DNAH8: variants seen among roughly 807,000 people sequenced by gnomAD.
DNAH8 encodes axonemal beta dynein heavy chain 8.
Under a neutral mutation model 562.1 loss-of-function variants are expected in DNAH8, and 382 were observed. The ratio of observed to expected loss-of-function variants is 0.68; its 90% CI spans 0.63 to 0.74. The LOEUF is 0.74. DNAH8 is among the 30% of genes least tolerant of loss of function. The pLI is 0.00. For missense variants in DNAH8, 5,203 were observed against 5,620.4 expected (o/e 0.93, Z 2.37); for synonymous variants, 1,881 against 1,919.4 (o/e 0.98, Z 0.52).
chr6:38,850,169 T>C, intron 37 of DNAH8, 82 bp from the exon 38 acceptor site: 1 of 1,337,310 alleles, frequency 7.5e-7, no homozygotes, highest in Non-Finnish European at 1.0e-6. Context: ...TTTGAAGAAC[T>C]ATAGAAAATT....
intron 73 of DNAH8, among the ~76,000 whole-genome samples, chr6:38,924,513 A>G (rs1363545951): frequency 6.6e-6 from 1 of 152,080 alleles, no homozygotes; most frequent in Non-Finnish European, 1.5e-5. Context: ...CCCCCCCCAA[A>G]AAAAAGAAAC....
chr6:38,824,877 T>C (rs1773173786), intron 28 of DNAH8, among the ~76,000 whole-genome samples: 1 of 152,096 alleles, frequency 6.6e-6, no homozygotes, highest in African/African-American at 2.4e-5. Flanking sequence ...TTACAAGTAC[T>C]TAAGGGGGAC....
intron 35 of DNAH8, among the ~76,000 whole-genome samples, chr6:38,844,377 A>G (rs561193438): frequency 6.6e-6 from 1 of 152,250 alleles, no homozygotes; most frequent in South Asian, 2.1e-4. Flanking sequence ...TTTGGAGTTG[A>G]GAAAATGCAC....
intron 1 of DNAH8, among the ~76,000 whole-genome samples, chr6:38,715,640 A>G (rs1057122399): frequency 6.6e-6 from 1 of 151,800 alleles, no homozygotes; most frequent in Non-Finnish European, 1.5e-5. Flanking sequence ...GTGACTTCAC[A>G]CCCACTCCCC....
intron 1 of DNAH8, among the ~76,000 whole-genome samples, chr6:38,721,719 C>A (rs1762771196): frequency 6.6e-6 from 1 of 152,100 alleles, no homozygotes; most frequent in Admixed American, 6.6e-5. Flanking sequence ...ACAATTATAG[C>A]TGTTTATGAG....
chr6:38,897,665 C>T (rs890641415), intron 60 of DNAH8, among the ~76,000 whole-genome samples: 3 of 151,926 alleles, frequency 2.0e-5, no homozygotes, highest in Non-Finnish European at 4.4e-5. Flanking sequence ...CTGTAATACC[C>T]GCGACTTGGG....
At chr6:38,774,442 G>A (rs1462459799) in intron 12 of DNAH8, among the ~76,000 whole-genome samples, 1 of 152,170 alleles carries the variant, frequency 6.6e-6, no homozygotes, top group Non-Finnish European at 1.5e-5. Flanking sequence ...GAAAAAGCCA[G>A]GGCCAGGACA....
At chr6:38,944,885 T>A (rs1168623897) in intron 79 of DNAH8, among the ~76,000 whole-genome samples, 2 of 152,146 alleles carry the variant, frequency 1.3e-5, no homozygotes, top group Non-Finnish European at 2.9e-5. Context: ...CATTTCCTCC[T>A]TCACTTCCTT....
chr6:38,846,890 A>C (rs1775342298), intron 36 of DNAH8, among the ~76,000 whole-genome samples: 1 of 152,206 alleles, frequency 6.6e-6, no homozygotes, highest in Non-Finnish European at 1.5e-5. Flanking sequence ...TAGTAAACTC[A>C]ATGTTTACAA....
intron 20 of DNAH8, 50 bp from the exon 21 acceptor site, chr6:38,791,505 G>C (rs1769737789): frequency 6.4e-7 from 1 of 1,561,368 alleles, no homozygotes; most frequent in East Asian, 2.4e-5. Flanking sequence ...TGAAAACCTA[G>C]CTCTAAAGGA....
chr6:38,748,771 A>AATAATAATG (rs1765174255), intron 8 of DNAH8, among the ~76,000 whole-genome samples: 3 of 147,472 alleles, frequency 2.0e-5, no homozygotes, highest in African/African-American at 7.4e-5. Context: ...TAATAATAAT[A>AATAATAATG]ATAATAATAA....
At chr6:38,738,431 C>G (rs1019109501) in intron 7 of DNAH8, among the ~76,000 whole-genome samples, 6 of 152,064 alleles carry the variant, frequency 3.9e-5, no homozygotes, top group Non-Finnish European at 7.4e-5. Context: ...GCCTGCAGCT[C>G]TATGGTCAAA....
At chr6:38,792,821 C>T (rs1769881828) in intron 21 of DNAH8, among the ~76,000 whole-genome samples, 1 of 152,152 alleles carries the variant, frequency 6.6e-6, no homozygotes, top group African/African-American at 2.4e-5. Flanking sequence ...CTCTGTCACT[C>T]AGGTTGTTCT....
At chr6:39,013,178 T>C (rs1766343984) in intron 91 of DNAH8, among the ~76,000 whole-genome samples, 1 of 152,238 alleles carries the variant, frequency 6.6e-6, no homozygotes, top group South Asian at 2.1e-4. Context: ...AAATGTTTAC[T>C]GAGAAAGTTA....
chr6:38,948,377 G>A (rs1395255458), intron 80 of DNAH8, among the ~76,000 whole-genome samples: 9 of 151,268 alleles, frequency 5.9e-5, no homozygotes, highest in Admixed American at 5.9e-4. Flanking sequence ...CGCTCTTGTT[G>A]CCCAGAGCTG....
In DNAH8 at chr6:38,722,770, T is replaced by G; in HGVS notation, c.-34-6T>G. 1 of 1,519,656 alleles carries G rather than the reference T, an allele frequency of 6.6e-7. No homozygotes were observed. Among genetic ancestry groups the G allele is most frequent in the Non-Finnish European group, 8.8e-7 (1 of 1,135,382 alleles). 94.1% of individuals were successfully genotyped at this position (1,519,656 alleles called of 1,614,324 possible). A position where few individuals can be genotyped will look rare whatever the true frequency, so the allele number is the denominator to read the frequency against. On this transcript the variant is annotated splice_polypyrimidine_tract_variant and splice_region_variant and intron_variant, in intron 1 of 92. Transcript: ENST00000327475. ...AGTTTTAAACGAACCTATGTTATAATTCTAGGTTTCGAAGTATAAAGCATT... is the reference window on the plus strand; with the variant it reads ...AGTTTTAAACGAACCTATGTTATAAGTCTAGGTTTCGAAGTATAAAGCATT...
chr6:38,936,095 T>G (rs1782940059), intron 77 of DNAH8, among the ~76,000 whole-genome samples: 1 of 151,526 alleles, frequency 6.6e-6, no homozygotes. Flanking sequence ...ATGCTTCTAA[T>G]CCCAGCACTT....
In DNAH8 at chr6:38,951,333, C is replaced by T. The variant is rs61748647; in HGVS notation, c.12264C>T (p.Asp4088=). ...TCATTTTTAGGTCTTGGTGCCCAGA[C>T]CGTACTGTTTTTCAAGCAAGAAAGT... ...KLLLIRSWCP[D]RTVFQARKYI... is the part of the protein sequence containing the mutation. The change falls in exon 82 of 93, where the codon GAC becomes GAT. Residue 4088 remains aspartate, a synonymous_variant. Coordinates refer to ENST00000327475, the MANE Select transcript of DNAH8 (RefSeq NM_001206927.2). 13,705 of 1,614,020 alleles carry T rather than the reference C, an allele frequency of 8.5e-3. 74 individuals are homozygous for T. The highest frequency in any genetic ancestry group is 0.011 in the Non-Finnish European group (12,481 of 1,179,952).
rs371388180 is a variant in DNAH8, at chr6:38,848,801, G to C, written c.5199G>C (p.Gln1733His). 6.2e-7 allele frequency: 1 copy of C among 1,612,730 alleles called. No individual in the cohort carries two copies. The highest frequency in any genetic ancestry group is 1.1e-5 in the South Asian group (1 of 90,954). Residue 1733 changes from glutamine to histidine, a missense_variant and splice_region_variant, in exon 37 of 93, where the codon CAG (glutamine) becomes CAC (histidine). This residue lies in a region of DNAH8 where 2,176 missense variants were observed against 2,365.1 expected (regional missense o/e 0.92). Coordinates refer to ENST00000327475, the MANE Select transcript of DNAH8 (RefSeq NM_001206927.2). ...GAGATATTGCCAAACAGCTGCCTCA[G>C]GTAAATATGGCTTTTGTAATTACTG... ...VGGDIAKQLP[Q>H]EAKRFQNIDK...
Sources: allele counts gnomAD v4.1 joint callset (sites outside exome capture counted in the v4.1 genomes callset), GRCh38; gene constraint gnomAD v4.1.1; regional missense constraint gnomAD v4.1.1; transcripts MANE v1.5; gene names NCBI Gene and HGNC (gene_info 2026-07-23, HGNC 2026-07-21).